Variants in ARHGEF3 observed in about 807,000 individuals in gnomAD.
ARHGEF3 encodes the protein Rho guanine nucleotide exchange factor 3.
Under a neutral mutation model 63.2 loss-of-function variants are expected in ARHGEF3, and 28 were observed. The ratio of observed to expected loss-of-function variants is 0.44; its 90% CI spans 0.33 to 0.61. The LOEUF is 0.61. Among genes scored for constraint, ARHGEF3 ranks in the 20% least tolerant of loss-of-function variants. The pLI, the probability that ARHGEF3 is intolerant of heterozygous loss-of-function variation, is 0.03. For missense variants in ARHGEF3, 533 were observed against 659.3 expected, an observed-to-expected ratio of 0.81 and a Z score of 2.10; for synonymous variants, 266 against 254.2, an observed-to-expected ratio of 1.05 and a Z score of -0.44.
Position 56,754,996 on chromosome 3 carries a change from T to C in ARHGEF3, c.360A>G (p.Glu120=). Residue 120 remains glutamate, a synonymous_variant, in exon 3 of 10, where the codon GAA becomes GAG. Coordinates refer to ENST00000296315, the MANE Select transcript of ARHGEF3 (RefSeq NM_019555.3). ...VCVNQMLTSK[E]IKRQEAIFEL... is the part of the protein sequence containing the mutation. ...CCGAGCCTACCTCCTGACGTTTGAT[T>C]TCCTTGGATGTAAGCATCTGATTGA... 3.7e-6 allele frequency: 6 copies of C among 1,614,222 alleles called. No homozygotes were observed. Among genetic ancestry groups the C allele is most frequent in the Non-Finnish European group, 5.1e-6 (6 of 1,180,048 alleles).
chr3:56,881,952 C>T (rs2040778329), intron 4 of ARHGEF3, among the ~76,000 whole-genome samples: 1 of 152,218 alleles, frequency 6.6e-6, no homozygotes, highest in Non-Finnish European at 1.5e-5. Context: ...TAACTTTCCC[C>T]CAAAGGGGGA....
intron 2 of ARHGEF3, among the ~76,000 whole-genome samples, chr3:56,765,600 T>C (rs530415251): frequency 1.3e-5 from 2 of 152,294 alleles, no homozygotes; most frequent in South Asian, 2.1e-4. Flanking sequence ...TTATTTCTTA[T>C]ATCTAGATGG....
chr3:56,910,692 C>T (rs967446542), intron 3 of ARHGEF3, among the ~76,000 whole-genome samples: 46 of 151,972 alleles, frequency 3.0e-4, no homozygotes, highest in Admixed American at 2.0e-3. Flanking sequence ...AATACAGTAA[C>T]TGAAAAATAA....
chr3:56,756,034 C>G (rs548519480), intron 2 of ARHGEF3, among the ~76,000 whole-genome samples: 59 of 152,342 alleles, frequency 3.9e-4, no homozygotes, highest in Non-Finnish European at 7.2e-4. Context: ...GACTAATACA[C>G]ATACTAAATA....
At chr3:56,993,614 A>G (rs1701849874) in intron 2 of ARHGEF3, among the ~76,000 whole-genome samples, 1 of 151,658 alleles carries the variant, frequency 6.6e-6, no homozygotes. Context: ...GGCTCAAGCA[A>G]TCCTCCTGTC....
At chr3:57,049,345 G>T (rs1704581168) in intron 1 of ARHGEF3, among the ~76,000 whole-genome samples, 1 of 152,008 alleles carries the variant, frequency 6.6e-6, no homozygotes, top group Admixed American at 6.5e-5. Context: ...CTCCAGCCTG[G>T]GCGACAGAGT....
chr3:56,839,533 G>T (rs2039239396), intron 4 of ARHGEF3, among the ~76,000 whole-genome samples: 1 of 152,086 alleles, frequency 6.6e-6, no homozygotes, highest in African/African-American at 2.4e-5. Flanking sequence ...AGGGGAAGCT[G>T]GGAAAGGTAC....
At chr3:56,916,341 T>C (rs1351221903) in intron 3 of ARHGEF3, 1 of 1,535,434 alleles carries the variant, frequency 6.5e-7, no homozygotes, top group South Asian at 1.2e-5. Context: ...CACCACACCA[T>C]GGGGCGCTCT....
chr3:56,868,491 T>C, intron 4 of ARHGEF3, among the ~76,000 whole-genome samples: 1 of 151,910 alleles, frequency 6.6e-6, no homozygotes, highest in East Asian at 1.9e-4. Context: ...TCCTCCCAAG[T>C]AGCTGGGAGT....
At position 57,007,126 on chromosome 3, in the gene ARHGEF3, C is replaced by G. The variant is rs1702499707; in HGVS notation, c.62+27962G>C. 2.1e-5 allele frequency: 25 copies of G among 1,213,086 alleles called. 2 individuals are homozygous for G. The South Asian group carries it at 3.6e-4, about 18-fold the overall frequency. The allele number at this position is 1,213,086 out of a possible 1,614,324, so 75.1% of individuals were successfully genotyped here. A position where few individuals can be genotyped will look rare whatever the true frequency, so the allele number is the denominator to read the frequency against. ...AGCAAGGTGTACAGTTACTTGTGCA[C>G]TTTTGTTTTTATGTTATTCATCCAT... is the stretch of plus-strand genomic sequence containing the variant. On this transcript the variant is annotated intron_variant, in intron 2 of 12. Transcript: ENST00000338458.
intron 4 of ARHGEF3, among the ~76,000 whole-genome samples, chr3:56,845,179 C>T (rs2039446317): frequency 6.6e-6 from 1 of 152,216 alleles, no homozygotes; most frequent in African/African-American, 2.4e-5. Flanking sequence ...GACCCTTCCC[C>T]AGTCAAACCT....
intron 1 of ARHGEF3, chr3:56,775,792 ACG>A: frequency 2.6e-6 from 1 of 384,206 alleles, no homozygotes; most frequent in East Asian, 1.6e-4. Context: ...ACACACACAC[ACG>A]CGCAAGCACA....
intron 2 of ARHGEF3, among the ~76,000 whole-genome samples, chr3:57,009,282 A>T (rs1272589298): frequency 6.6e-6 from 1 of 152,168 alleles, no homozygotes; most frequent in African/African-American, 2.4e-5. Flanking sequence ...AGTACCAAAA[A>T]ATCTGTTAAG....
At chr3:56,875,294 T>C (rs544465422) in intron 4 of ARHGEF3, among the ~76,000 whole-genome samples, 38 of 152,354 alleles carry the variant, frequency 2.5e-4, no homozygotes, top group Non-Finnish European at 5.9e-5. Flanking sequence ...TATAGCAATT[T>C]GGTCCCTTCC....
At chr3:57,073,497 C>G (rs1387642233) in intron 1 of ARHGEF3, 1 of 780,732 alleles carries the variant, frequency 1.3e-6, no homozygotes, top group Non-Finnish European at 1.9e-6. Flanking sequence ...GGGAAAACCT[C>G]TGCAGTATCT....
At chr3:56,738,632 C>T (rs746057870) in intron 7 of ARHGEF3, among the ~76,000 whole-genome samples, 11 of 152,082 alleles carry the variant, frequency 7.2e-5, no homozygotes, top group Non-Finnish European at 1.3e-4. Flanking sequence ...CAGAAGATTC[C>T]GAAGTGGTGG....
At chr3:56,808,375 C>T (rs1039832527) in intron 4 of ARHGEF3, among the ~76,000 whole-genome samples, 12 of 151,868 alleles carry the variant, frequency 7.9e-5, no homozygotes, top group African/African-American at 2.2e-4. Flanking sequence ...TGAGCGCAGG[C>T]GTTCGAGACC....
intron 3 of ARHGEF3, chr3:56,882,389 A>T: frequency 6.5e-7 from 1 of 1,542,202 alleles, no homozygotes; most frequent in East Asian, 2.4e-5. Context: ...GTTCAAAGGT[A>T]AGTAGGGGTT....
chr3:56,745,467 G>A lies in ARHGEF3; in HGVS notation c.613-5C>T, dbSNP rs530670040. ...ATAGGAGCTGAGGCAAGGGAGCTAA[G>A]AAGGAAACAGAAAGAGAAGGTTGGA... On this transcript the variant is annotated splice_polypyrimidine_tract_variant and splice_region_variant and intron_variant, in intron 6 of 9. Transcript: ENST00000296315. The A allele has an allele frequency of 5.1e-5, 83 of 1,611,904 alleles. No homozygotes were observed. In the East Asian group the frequency reaches 1.8e-3, roughly 35 times the overall value.
Sources: gnomAD v4.1 joint callset for allele counts (sites outside exome capture counted in the v4.1 genomes callset) on GRCh38, gnomAD v4.1.1 for gene constraint, MANE v1.5 for transcripts, NCBI Gene and HGNC (gene_info 2026-07-23, HGNC 2026-07-21) for gene names.